SPMIP10: variants seen among roughly 807,000 people sequenced by gnomAD.
SPMIP10 encodes sperm-associated microtubule inner protein 10.
the SPMIP10 span, among the ~76,000 whole-genome samples, chr5:126,632,030 GGCTGGCCAGACATTTCCTTTA>G: frequency 6.6e-6 from 1 of 151,876 alleles, no homozygotes; most frequent in Admixed American, 6.6e-5. Context: ...TGTTTTTTGT[GGCTGGCCAGACATTTCCTTTA>G]GGCAGTCGGT....
chr5:126,631,775 T>A, the SPMIP10 span: 3 of 1,612,776 alleles, frequency 1.9e-6, no homozygotes, highest in Non-Finnish European at 2.5e-6. Context: ...TTGCCTAAAC[T>A]CACTAACAAC....
At chr5:126,633,872 C>G in the SPMIP10 span, among the ~76,000 whole-genome samples, 4 of 151,674 alleles carry the variant, frequency 2.6e-5, no homozygotes, top group Non-Finnish European at 5.9e-5. Flanking sequence ...ACTATGTGGT[C>G]CAGGCTGGTC....
chr5:126,633,479 T>C, the SPMIP10 span, among the ~76,000 whole-genome samples: 27,335 of 151,566 alleles, frequency 0.18, 5,019 homozygotes, highest in African/African-American at 0.48. Context: ...CCTGCCTCAG[T>C]CTCCCAAGTA....
At chr5:126,635,316 T>TTTATTTA in the SPMIP10 span, among the ~76,000 whole-genome samples, 1 of 152,130 alleles carries the variant, frequency 6.6e-6, no homozygotes, top group Non-Finnish European at 1.5e-5. Flanking sequence ...ACAGTTGTTA[T>TTTATTTA]TTATTTATTC....
the SPMIP10 span, among the ~76,000 whole-genome samples, chr5:126,633,024 T>TATATATATATATATATATATAA: frequency 2.8e-3 from 387 of 138,808 alleles, 9 homozygotes; most frequent in African/African-American, 0.011. Context: ...TATATATATA[T>TATATATATATATATATATATAA]ATATATATAA....
At chr5:126,632,569 G>A in the SPMIP10 span, 47 of 1,608,550 alleles carry the variant, frequency 2.9e-5, no homozygotes, top group East Asian at 8.5e-4. Context: ...CATTTGCCAC[G>A]ATTTTCATTA....
chr5:126,632,539 T>G, the SPMIP10 span: 1 of 1,494,738 alleles, frequency 6.7e-7, no homozygotes. Flanking sequence ...GCTTTCCTAA[T>G]CATCAGGTAT....
At chr5:126,634,357 G>A in the SPMIP10 span, among the ~76,000 whole-genome samples, 3 of 152,056 alleles carry the variant, frequency 2.0e-5, no homozygotes, top group Non-Finnish European at 4.4e-5. Context: ...GCTTGAATCC[G>A]GGAGACACAC....
the SPMIP10 span, among the ~76,000 whole-genome samples, chr5:126,633,678 A>T: frequency 6.6e-6 from 1 of 152,060 alleles, no homozygotes; most frequent in Non-Finnish European, 1.5e-5. Context: ...TTATTTATTT[A>T]GAGACAGGAT....
the SPMIP10 span, among the ~76,000 whole-genome samples, chr5:126,633,217 AT>A: frequency 6.6e-6 from 1 of 151,962 alleles, no homozygotes; most frequent in Non-Finnish European, 1.5e-5. Context: ...AGAAGATGCC[AT>A]TAATATTAAA....
At chr5:126,632,000 T>G in the SPMIP10 span, among the ~76,000 whole-genome samples, 2 of 151,904 alleles carry the variant, frequency 1.3e-5, no homozygotes, top group East Asian at 3.9e-4. Flanking sequence ...ATACATAAAT[T>G]CAGAAGCCAA....
the SPMIP10 span, among the ~76,000 whole-genome samples, chr5:126,634,419 A>G: frequency 5.9e-5 from 9 of 152,032 alleles, no homozygotes; most frequent in Admixed American, 5.9e-4. Flanking sequence ...ACAGAGCAAG[A>G]CTCCATCTCA....
chr5:126,631,814 C>A, the SPMIP10 span: 2 of 1,598,314 alleles, frequency 1.3e-6, no homozygotes, highest in African/African-American at 2.7e-5. Flanking sequence ...TATAAATCTG[C>A]TAATAAGTAA....
chr5:126,636,119 C>A, the SPMIP10 span: 1 of 1,613,950 alleles, frequency 6.2e-7, no homozygotes, highest in Non-Finnish European at 8.5e-7. Flanking sequence ...TGGGGAAGAT[C>A]GTAAAGTTGT....
chr5:126,632,656 T>C, the SPMIP10 span: 3 of 1,528,342 alleles, frequency 2.0e-6, no homozygotes, highest in South Asian at 2.2e-5. Context: ...AATCTGAAGG[T>C]ATTTCCCCAT....
chr5:126,633,151 C>A, the SPMIP10 span, among the ~76,000 whole-genome samples: 1 of 150,972 alleles, frequency 6.6e-6, no homozygotes, highest in Non-Finnish European at 1.5e-5. Context: ...AATTATATAC[C>A]GAAGAATTTC....
At chr5:126,632,273 A>C in the SPMIP10 span, among the ~76,000 whole-genome samples, 47 of 150,204 alleles carry the variant, frequency 3.1e-4, no homozygotes, top group African/African-American at 1.0e-3. Context: ...AAAAAAAAAA[A>C]AAAAAAAAAA....
At chr5:126,634,827 C>T in the SPMIP10 span, among the ~76,000 whole-genome samples, 2 of 151,992 alleles carry the variant, frequency 1.3e-5, no homozygotes, top group Admixed American at 6.6e-5. Context: ...TTTTATTTAT[C>T]CTCACCATTT....
At chr5:126,635,989 A>T in the SPMIP10 span, 106 of 1,485,416 alleles carry the variant, frequency 7.1e-5, no homozygotes, top group Non-Finnish European at 9.7e-5. Context: ...TAACAAGAAA[A>T]TGATGTTTGA....
Sources: allele counts gnomAD v4.1 joint callset (sites outside exome capture counted in the v4.1 genomes callset), GRCh38; gene constraint gnomAD v4.1.1; transcripts MANE v1.5; gene names NCBI Gene and HGNC (gene_info 2026-07-23, HGNC 2026-07-21).